CFAP70: variants seen among roughly 807,000 people sequenced by gnomAD.
CFAP70 encodes cilia- and flagella-associated protein 70.
A neutral mutation model predicts 137.6 loss-of-function variants in CFAP70; 81 were observed. The ratio of observed to expected loss-of-function variants is 0.59; its 90% CI spans 0.49 to 0.71. The LOEUF is 0.71. Among genes scored for constraint, CFAP70 ranks in the 30% least tolerant of loss-of-function variants. The pLI, the probability that CFAP70 is intolerant of heterozygous loss-of-function variation, is 0.00. For synonymous variants in CFAP70, 382 were observed against 423.6 expected (o/e 0.90, Z 1.20); for missense variants, 976 against 1,226.7 (o/e 0.80, Z 3.05).
intron 4 of CFAP70, 40 bp from the exon 5 acceptor site, chr10:73,348,275 T>C (rs781201076): frequency 6.2e-7 from 1 of 1,606,412 alleles, no homozygotes; most frequent in Non-Finnish European, 8.5e-7. Context: ...GAAGAAAGGG[T>C]TAAGTTGGGA....
chr10:73,278,963 G>C (rs1231185822), intron 19 of CFAP70: 2 of 142,346 alleles, frequency 1.4e-5, no homozygotes, highest in African/African-American at 2.7e-5. Context: ...CCTCGGCATA[G>C]AGCGAGACTC....
At position 73,271,737 on chromosome 10, in the gene CFAP70, CA is replaced by C. The variant is rs1321432930; in HGVS notation, c.2925+1190del. ...AGAGGTGAGGTTTTGCTCTGTCACC[CA>C]GCCTGGAGTGCAGTGGCACAATCAT... On this transcript the variant is annotated intron_variant, in intron 24 of 26. Transcript: ENST00000310715. 2.0e-5 allele frequency among the ~76,000 whole-genome samples: 3 copies of C among 152,052 alleles called. No homozygotes were observed. The East Asian group carries it at 5.8e-4, about 30-fold the overall frequency.
intron 25 of CFAP70, among the ~76,000 whole-genome samples, chr10:73,267,861 GT>G (rs2045915574): frequency 6.6e-6 from 1 of 152,178 alleles, no homozygotes; most frequent in South Asian, 2.1e-4. Context: ...TAAGGTCCCT[GT>G]TTCCTTGCTG....
At chr10:73,335,062 T>TC (rs199714931) in intron 7 of CFAP70, among the ~76,000 whole-genome samples, 79 of 111,774 alleles carry the variant, frequency 7.1e-4, no homozygotes, top group Admixed American at 6.9e-4. Context: ...TTCTTCTTCT[T>TC]TTTTTTTTTT....
At chr10:73,308,662 A>G (rs1220995398) in intron 12 of CFAP70, among the ~76,000 whole-genome samples, 1 of 151,844 alleles carries the variant, frequency 6.6e-6, no homozygotes, top group Non-Finnish European at 1.5e-5. Flanking sequence ...AATCATATGA[A>G]GCATATTTTC....
At chr10:73,296,852 G>C in intron 15 of CFAP70, 190 bp downstream of exon 16, 1 of 439,080 alleles carries the variant, frequency 2.3e-6, no homozygotes, top group Admixed American at 4.2e-5. Context: ...ATATCTCCTT[G>C]TTTTTTTCCA....
chr10:73,261,428 G>T (rs2045176693), intron 25 of CFAP70, among the ~76,000 whole-genome samples: 1 of 152,194 alleles, frequency 6.6e-6, no homozygotes, highest in Non-Finnish European at 1.5e-5. Context: ...GGCTCGCGAG[G>T]CCTCACAATC....
At chr10:73,291,813 C>A in intron 17 of CFAP70, 58 bp from the exon 19 acceptor site, 1 of 1,613,484 alleles carries the variant, frequency 6.2e-7, no homozygotes, top group Non-Finnish European at 8.5e-7. Flanking sequence ...TTTATGGAAC[C>A]AAGACAATTT....
chr10:73,280,022 C>T (rs757413814), intron 19 of CFAP70, among the ~76,000 whole-genome samples: 12 of 152,106 alleles, frequency 7.9e-5, no homozygotes, highest in Non-Finnish European at 1.5e-4. Context: ...TACTCCACAT[C>T]CTTGTTATAA....
intron 8 of CFAP70, among the ~76,000 whole-genome samples, chr10:73,324,151 G>C (rs1028333811): frequency 3.3e-5 from 5 of 152,166 alleles, no homozygotes; most frequent in African/African-American, 1.2e-4. Flanking sequence ...CCAGAGGAAC[G>C]ATCAGACAGC....
intron 15 of CFAP70, chr10:73,294,329 C>T (rs1434675898): frequency 6.6e-6 from 1 of 152,220 alleles, no homozygotes; most frequent in African/African-American, 2.4e-5. Flanking sequence ...CCAATAAGCC[C>T]ATCACTTCCC....
At chr10:73,276,106 T>TTG (rs935211430) in intron 21 of CFAP70, 1 of 103,700 alleles carries the variant, frequency 9.6e-6, no homozygotes, top group African/African-American at 5.3e-5. Flanking sequence ...TTGTATTTTG[T>TTG]TTTTTTTTTT....
intron 25 of CFAP70, among the ~76,000 whole-genome samples, chr10:73,259,085 C>T (rs1213678921): frequency 6.6e-6 from 1 of 152,274 alleles, no homozygotes; most frequent in East Asian, 1.9e-4. Flanking sequence ...CTTTTGAAAT[C>T]CATAATAAAA....
intron 19 of CFAP70, among the ~76,000 whole-genome samples, chr10:73,279,959 T>A (rs1395960368): frequency 6.6e-6 from 1 of 152,206 alleles, no homozygotes; most frequent in Non-Finnish European, 1.5e-5. Context: ...ACCAGTTTTC[T>A]CAAGTGGTTA....
chr10:73,290,044 C>CAAAAAAAAAAAAAAAAAAAAAAA (rs397847750), intron 19 of CFAP70, among the ~76,000 whole-genome samples: 2 of 72,228 alleles, frequency 2.8e-5, no homozygotes, highest in African/African-American at 4.4e-5. Flanking sequence ...GACTCCATCT[C>CAAAAAAAAAAAAAAAAAAAAAAA]AAAAAAAAAA....
intron 25 of CFAP70, among the ~76,000 whole-genome samples, chr10:73,267,245 G>A (rs912732887): frequency 6.6e-6 from 1 of 152,200 alleles, no homozygotes; most frequent in Non-Finnish European, 1.5e-5. Flanking sequence ...AATTTGGCTA[G>A]GACTGAAGGA....
At chr10:73,292,078 C>T (rs772172150) in intron 16 of CFAP70, 64 bp from the exon 18 acceptor site, 4 of 1,569,928 alleles carry the variant, frequency 2.5e-6, no homozygotes, top group South Asian at 1.2e-5. Context: ...TACGACATCA[C>T]ATGGTAAACA....
intron 24 of CFAP70, among the ~76,000 whole-genome samples, chr10:73,271,134 T>C (rs909406527): frequency 6.6e-6 from 1 of 152,168 alleles, no homozygotes; most frequent in Non-Finnish European, 1.5e-5. Flanking sequence ...TACACCAGCC[T>C]GGGTGACAGA....
chr10:73,281,829 A>G (rs2047278021), intron 19 of CFAP70, among the ~76,000 whole-genome samples: 1 of 152,178 alleles, frequency 6.6e-6, no homozygotes, highest in Non-Finnish European at 1.5e-5. Flanking sequence ...GAACAAAATC[A>G]TGTCTTTTGC....
Sources: gnomAD v4.1 joint callset for allele counts (sites outside exome capture counted in the v4.1 genomes callset) on GRCh38, gnomAD v4.1.1 for gene constraint, MANE v1.5 for transcripts, NCBI Gene and HGNC (gene_info 2026-07-23, HGNC 2026-07-21) for gene names.